HTT: variants seen among roughly 807,000 people sequenced by gnomAD.
HTT encodes huntington disease protein.
A neutral mutation model predicts 362.3 loss-of-function variants in HTT; 104 were observed. That is an observed-to-expected ratio of 0.29 (90% CI 0.24 to 0.34). The LOEUF is 0.34. Ranked by LOEUF, HTT falls within the 10% of genes least tolerant of loss-of-function variation. The probability of loss-of-function intolerance (pLI) is 1.00; values close to 1 mark genes in which losing one functional copy is unlikely to be tolerated. For synonymous variants in HTT, 1,577 were observed against 1,548.7 expected, an observed-to-expected ratio of 1.02 and a Z score of -0.43; for missense variants, 3,301 against 3,928.6, an observed-to-expected ratio of 0.84 and a Z score of 4.27.
intron 7 of HTT, 52 bp from the exon 8 acceptor site, chr4:3,116,033 A>T (rs1279324450): frequency 8.0e-6 from 12 of 1,495,048 alleles, no homozygotes; most frequent in Non-Finnish European, 6.5e-6. Context: ...TTAAGCCGGG[A>T]ATCTCCAAAC....
rs1248814630 is a variant in HTT, at chr4:3,240,929, C to T, written c.*870C>T. On this transcript the variant is annotated 3_prime_UTR_variant, in exon 67 of 67. Coordinates refer to ENST00000355072, the MANE Select transcript of HTT (RefSeq NM_001388492.1). ...TCCTAGGGGTGCGCTCACCTGCAGC[C>T]CCTCCTCCTCGGGCACAGACGACTG... 1 of 152,358 alleles carries T rather than the reference C, an allele frequency of 6.6e-6. No individual in the cohort carries two copies. The highest frequency in any genetic ancestry group is 1.5e-5 in the Non-Finnish European group (1 of 68,114). 9.4% of individuals were successfully genotyped at this position (152,358 alleles called of 1,614,324 possible). A position where few individuals can be genotyped will look rare whatever the true frequency, so the allele number is the denominator to read the frequency against.
At chr4:3,144,878 G>A (rs370247224) in intron 23 of HTT, among the ~76,000 whole-genome samples, 37 of 152,306 alleles carry the variant, frequency 2.4e-4, no homozygotes, top group African/African-American at 8.4e-4. Context: ...GATGTGCAGG[G>A]GCAGTTGAGA....
At chr4:3,176,355 C>T (rs370949255) in intron 33 of HTT, among the ~76,000 whole-genome samples, 4 of 152,320 alleles carry the variant, frequency 2.6e-5, no homozygotes, top group African/African-American at 9.6e-5. Flanking sequence ...AAGGAGGCAT[C>T]AAGGGGTGGG....
Position 3,239,887 on chromosome 4 carries a change from T to A in HTT, c.9257T>A (p.Val3086Glu). The A allele has an allele frequency of 6.4e-7, 1 of 1,568,444 alleles. No homozygotes were observed. The highest frequency in any genetic ancestry group is 1.2e-5 in the South Asian group (1 of 85,352). ...VISRMGKLEQ[V>E]DVNLFCLVAT... ...AGCAGGATGGGCAAGCTGGAGCAGG[T>A]GGACGTGAACCTTTTCTGCCTGGTC... The change falls in exon 67 of 67, where the codon GTG (valine) becomes GAG (glutamate). Residue 3086 changes from valine to glutamate, a missense_variant. Coordinates refer to ENST00000355072, the MANE Select transcript of HTT (RefSeq NM_001388492.1).
At position 3,134,445 on chromosome 4, in the gene HTT, A is replaced by G. The variant is rs1715968295; in HGVS notation, c.2538A>G (p.Gly846=). ...SLCSSSYSEL[G]LQLIIDVLTL... ...GCAGCAGCAGCTACAGTGAGTTAGG[A>G]CTGCAGCTGATCATCGATGTGCTGA... Residue 846 remains glycine, a synonymous_variant, in exon 19 of 67, where the codon GGA becomes GGG. Transcript: ENST00000355072. 1.2e-6 allele frequency: 2 copies of G among 1,613,870 alleles called. No individual in the cohort carries two copies. The highest frequency in any genetic ancestry group is 1.3e-5 in the African/African-American group (1 of 74,898).
chr4:3,082,251 A>G (rs1712951341), intron 1 of HTT, among the ~76,000 whole-genome samples: 1 of 152,174 alleles, frequency 6.6e-6, no homozygotes, highest in South Asian at 2.1e-4. Flanking sequence ...AAGGTCTCAC[A>G]TTTTTGTGGC....
intron 49 of HTT, 65 bp downstream of exon 49, chr4:3,212,774 G>T (rs2110276899): frequency 1.3e-6 from 2 of 1,545,818 alleles, no homozygotes; most frequent in South Asian, 2.3e-5. Flanking sequence ...CACTGAAGAG[G>T]GTAAAGCAGT....
intron 41 of HTT, among the ~76,000 whole-genome samples, chr4:3,203,557 A>T (rs1356668479): frequency 6.6e-6 from 1 of 152,280 alleles, no homozygotes; most frequent in Non-Finnish European, 1.5e-5. Flanking sequence ...ATAACGTATA[A>T]CATCAACATG....
chr4:3,103,600 A>G (rs1383933211), intron 3 of HTT, among the ~76,000 whole-genome samples: 1 of 152,138 alleles, frequency 6.6e-6, no homozygotes, highest in Non-Finnish European at 1.5e-5. Context: ...TGAAAGTTAA[A>G]TTGTTTTTCT....
At chr4:3,155,646 C>T (rs553091725) in intron 27 of HTT, among the ~76,000 whole-genome samples, 13 of 147,016 alleles carry the variant, frequency 8.8e-5, no homozygotes, top group African/African-American at 3.0e-4. Context: ...CTTTGGGAGG[C>T]TGAGGTGGGC....
intron 6 of HTT, among the ~76,000 whole-genome samples, chr4:3,112,816 C>G (rs1411687134): frequency 6.6e-6 from 1 of 152,178 alleles, no homozygotes; most frequent in Non-Finnish European, 1.5e-5. Flanking sequence ...GCAGTAGAAA[C>G]TGCCAAATAG....
chr4:3,158,504 T>A (rs981083210), intron 28 of HTT, among the ~76,000 whole-genome samples: 8 of 152,192 alleles, frequency 5.3e-5, no homozygotes, highest in Non-Finnish European at 1.0e-4. Flanking sequence ...CAGAACTTTT[T>A]AAATTACCTC....
Position 3,160,305 on chromosome 4 carries a change from C to T in HTT, c.3777C>T (p.Ser1259=), listed in dbSNP as rs1389073215. The change falls in exon 29 of 67, where the codon AGC becomes AGT. Residue 1259 remains serine (S), a synonymous_variant. Transcript: ENST00000355072. ...NYKVTLDLQN[S]TEKFGGFLRS... ...AGGTCACGCTGGATCTTCAGAACAGCACGGAAAAGTTTGGAGGGTTTCTCC... is the reference window on the plus strand; with the variant it reads ...AGGTCACGCTGGATCTTCAGAACAGTACGGAAAAGTTTGGAGGGTTTCTCC... 1.3e-6 allele frequency: 2 copies of T among 1,552,266 alleles called. No individual in the cohort carries two copies. The highest frequency in any genetic ancestry group is 1.4e-5 in the African/African-American group (1 of 73,334).
At chr4:3,103,788 A>G in intron 3 of HTT, 36 bp from the exon 4 acceptor site, 1 of 1,355,096 alleles carries the variant, frequency 7.4e-7, no homozygotes, top group Non-Finnish European at 1.1e-6. Context: ...TAGTGATGGG[A>G]TGTGTCTTCC....
At chr4:3,173,722 G>A (rs1406312381) in intron 31 of HTT, among the ~76,000 whole-genome samples, 1 of 150,878 alleles carries the variant, frequency 6.6e-6, no homozygotes, top group African/African-American at 2.4e-5. Flanking sequence ...AGGCTGGAGT[G>A]CAGTGGTGCA....
intron 65 of HTT, 83 bp downstream of exon 65, chr4:3,238,692 G>C: frequency 6.7e-7 from 1 of 1,487,022 alleles, no homozygotes; most frequent in Non-Finnish European, 9.2e-7. Context: ...TTCGCCAGCA[G>C]AGCCCAGCTC....
At chr4:3,127,841 G>A (rs760363780) in intron 12 of HTT, among the ~76,000 whole-genome samples, 2 of 151,880 alleles carry the variant, frequency 1.3e-5, no homozygotes, top group Admixed American at 6.6e-5. Flanking sequence ...GCACATGTCT[G>A]TAGTCCCAGC....
chr4:3,215,967 G>A (rs976733817), intron 51 of HTT, among the ~76,000 whole-genome samples: 17 of 152,200 alleles, frequency 1.1e-4, no homozygotes, highest in Admixed American at 1.1e-3. Context: ...GTCCCACAGA[G>A]GTGGGGGTGC....
chr4:3,176,319 G>A (rs941981688), intron 33 of HTT, among the ~76,000 whole-genome samples: 9 of 152,170 alleles, frequency 5.9e-5, no homozygotes, highest in Non-Finnish European at 1.2e-4. Flanking sequence ...GAGCCACCGC[G>A]CCCGGCCTGG....
Sources: allele counts gnomAD v4.1 joint callset (sites outside exome capture counted in the v4.1 genomes callset), GRCh38; gene constraint gnomAD v4.1.1; transcripts MANE v1.5; gene names NCBI Gene and HGNC (gene_info 2026-07-23, HGNC 2026-07-21).